The following NELL1 variants were observed in gnomAD, a reference collection of about 807,000 sequenced individuals.
NELL1 encodes protein kinase C-binding protein NELL1.
In NELL1, 76 loss-of-function variants were observed where a neutral mutation model predicts 107.4. The observed-to-expected ratio is 0.71, with a 90% CI of 0.59 to 0.86. NELL1 has a LOEUF of 0.86. NELL1 is among the 40% of genes least tolerant of loss of function. NELL1 has a pLI of 0.00. For missense variants in NELL1, 1,024 were observed against 1,005.5 expected, an observed-to-expected ratio of 1.02 and a Z score of -0.25; for synonymous variants, 353 against 341.2, an observed-to-expected ratio of 1.03 and a Z score of -0.38.
chr11:20,977,786 G>A (rs1042633901), intron 12 of NELL1, among the ~76,000 whole-genome samples: 1 of 152,158 alleles, frequency 6.6e-6, no homozygotes, highest in African/African-American at 2.4e-5. Flanking sequence ...ATTGTTGAGT[G>A]CATAAGTGAA....
At chr11:21,252,306 T>G (rs972096625) in intron 14 of NELL1, among the ~76,000 whole-genome samples, 7 of 151,968 alleles carry the variant, frequency 4.6e-5, no homozygotes, top group Admixed American at 2.6e-4. Context: ...ATCCAATTGG[T>G]TTTCCTATTG....
intron 15 of NELL1, among the ~76,000 whole-genome samples, chr11:21,475,982 A>G (rs1450774828): frequency 2.0e-5 from 3 of 152,106 alleles, no homozygotes; most frequent in Admixed American, 2.0e-4. Context: ...AATTTATTCA[A>G]ATGATACCTT....
rs866461843 is a variant in NELL1, at chr11:20,722,024, T to A, written c.184+43964T>A. 1.0e-3 allele frequency among the ~76,000 whole-genome samples: 152 copies of A among 150,578 alleles called. 2 individuals are homozygous for A. The highest frequency in any genetic ancestry group is 2.9e-3 in the African/African-American group (121 of 41,156). ...CTTGACCTTTCTGAGTCTCTCTTTTTTTTTTTTTTTTTTTGAGACAAAGTC... is the reference window on the plus strand; with the variant it reads ...CTTGACCTTTCTGAGTCTCTCTTTTATTTTTTTTTTTTTTGAGACAAAGTC... On this transcript the variant is annotated intron_variant, in intron 2 of 19. Coordinates refer to ENST00000357134, the MANE Select transcript of NELL1 (RefSeq NM_006157.5).
chr11:21,299,826 CT>C (rs2133970203), intron 14 of NELL1, among the ~76,000 whole-genome samples: 1 of 152,022 alleles, frequency 6.6e-6, no homozygotes, highest in Admixed American at 6.6e-5. Context: ...ATTTTGAATA[CT>C]TTTATATAAC....
At chr11:20,698,638 A>G (rs1297598656) in intron 2 of NELL1, among the ~76,000 whole-genome samples, 1 of 152,176 alleles carries the variant, frequency 6.6e-6, no homozygotes, top group African/African-American at 2.4e-5. Context: ...AGAAAAAGAC[A>G]TTCATATTAA....
At chr11:21,030,622 A>ATTTTTTTTTTTTTTTTTTTTTTTTTTTT (rs201033870) in intron 12 of NELL1, among the ~76,000 whole-genome samples, 14 of 120,112 alleles carry the variant, frequency 1.2e-4, no homozygotes, top group Non-Finnish European at 2.0e-4. Flanking sequence ...ATTTTCTTGT[A>ATTTTTTTTTTTTTTTTTTTTTTTTTTTT]TTTTTTTTTT....
chr11:21,270,724 C>T (rs1590790005), intron 14 of NELL1, among the ~76,000 whole-genome samples: 2 of 152,234 alleles, frequency 1.3e-5, no homozygotes, highest in East Asian at 1.9e-4. Flanking sequence ...GCACAACACA[C>T]ATTCTTCTCA....
chr11:21,465,543 G>C (rs567041424), intron 15 of NELL1, among the ~76,000 whole-genome samples: 93 of 152,072 alleles, frequency 6.1e-4, no homozygotes, highest in African/African-American at 2.2e-3. Flanking sequence ...GCAACACATG[G>C]CATATCAATC....
At chr11:20,879,264 G>C (rs1307744026) in intron 4 of NELL1, among the ~76,000 whole-genome samples, 1 of 152,150 alleles carries the variant, frequency 6.6e-6, no homozygotes, top group Admixed American at 6.5e-5. Context: ...AAGAGCTGAG[G>C]AATGCGTCTG....
intron 15 of NELL1, among the ~76,000 whole-genome samples, chr11:21,451,198 A>AG (rs1396712397): frequency 1.4e-4 from 20 of 140,492 alleles, no homozygotes; most frequent in Admixed American, 2.7e-4. Flanking sequence ...AAAAAAAAAA[A>AG]AAAAGAAAAA....
At chr11:20,897,926 G>A (rs1268349574) in intron 5 of NELL1, among the ~76,000 whole-genome samples, 1 of 152,188 alleles carries the variant, frequency 6.6e-6, no homozygotes, top group African/African-American at 2.4e-5. Context: ...CAACACAGGT[G>A]CTGGAGAGGA....
At chr11:21,529,264 G>T (rs376312643) in intron 15 of NELL1, among the ~76,000 whole-genome samples, 1 of 152,060 alleles carries the variant, frequency 6.6e-6, no homozygotes, top group East Asian at 1.9e-4. Context: ...GATCATATTA[G>T]GCATTTTTAT....
intron 4 of NELL1, among the ~76,000 whole-genome samples, chr11:20,848,789 G>A (rs1848746313): frequency 6.6e-6 from 1 of 152,288 alleles, no homozygotes; most frequent in African/African-American, 2.4e-5. Flanking sequence ...TGCCACTCTA[G>A]CTCTGCAGTC....
In NELL1 at chr11:20,821,731, A is replaced by C. The variant is rs184028050; in HGVS notation, c.336-25852A>C. Among the ~76,000 whole-genome samples the C allele has an allele frequency of 4.0e-3, 603 of 152,324 alleles. 2 individuals carry two copies. The highest frequency in any genetic ancestry group is 0.014 in the African/African-American group (575 of 41,576). On this transcript the variant is annotated intron_variant, in intron 3 of 19. Transcript: ENST00000357134. ...AGATAATGTTCAAACACTTTAATTA[A>C]ATTTTTGAAAAGGGCAGCAATAACT... is the stretch of plus-strand genomic sequence containing the variant.
intron 12 of NELL1, among the ~76,000 whole-genome samples, chr11:20,973,931 C>T (rs957529084): frequency 6.6e-6 from 1 of 152,174 alleles, no homozygotes; most frequent in African/African-American, 2.4e-5. Flanking sequence ...GCTAAAGAAA[C>T]TTGGTTTGTC....
At chr11:21,004,968 C>G (rs902611719) in intron 12 of NELL1, among the ~76,000 whole-genome samples, 1 of 152,074 alleles carries the variant, frequency 6.6e-6, no homozygotes, top group African/African-American at 2.4e-5. Flanking sequence ...AGAAAACAGG[C>G]TTATATCAGG....
At chr11:20,909,030 G>C (rs1435339039) in intron 5 of NELL1, among the ~76,000 whole-genome samples, 1 of 152,210 alleles carries the variant, frequency 6.6e-6, no homozygotes, top group East Asian at 1.9e-4. Context: ...ACGTACTACA[G>C]TGTGGATAAG....
chr11:21,232,329 C>CA (rs35426602), intron 14 of NELL1, among the ~76,000 whole-genome samples: 14,820 of 121,294 alleles, frequency 0.12, 973 homozygotes, highest in East Asian at 0.37. Flanking sequence ...CACTCCATCT[C>CA]AAAAAAAAAA....
At chr11:21,210,371 C>G (rs925171443) in intron 13 of NELL1, among the ~76,000 whole-genome samples, 1 of 152,106 alleles carries the variant, frequency 6.6e-6, no homozygotes, top group Non-Finnish European at 1.5e-5. Flanking sequence ...GGCTCCAATT[C>G]CTCCATTTCT....
Sources: allele counts gnomAD v4.1 joint callset (sites outside exome capture counted in the v4.1 genomes callset), GRCh38; gene constraint gnomAD v4.1.1; transcripts MANE v1.5; gene names NCBI Gene and HGNC (gene_info 2026-07-23, HGNC 2026-07-21).